SP140: variants seen among roughly 807,000 people sequenced by gnomAD.
The protein encoded by SP140 is SP140 nuclear body protein.
In SP140, 81 loss-of-function variants were observed where a neutral mutation model predicts 125.0. The ratio of observed to expected loss-of-function variants is 0.65; its 90% CI spans 0.54 to 0.78. SP140 has a LOEUF of 0.78. Ranked by LOEUF, SP140 falls within the 30% of genes least tolerant of loss-of-function variation. SP140 has a pLI of 0.00. For synonymous variants in SP140, 312 were observed against 354.0 expected (o/e 0.88, Z 1.33); for missense variants, 858 against 1,037.0 (o/e 0.83, Z 2.37).
chr2:230,292,555 T>C lies in SP140; in HGVS notation c.1826-91T>C, dbSNP rs527994018. ...TCCTGCTATTGATCTGCATCACAAATTGGGTGGCTCTAGATCCAGTGTGGT... is the reference window on the plus strand; with the variant it reads ...TCCTGCTATTGATCTGCATCACAAACTGGGTGGCTCTAGATCCAGTGTGGT... On this transcript the variant is annotated intron_variant, in intron 19 of 26. Transcript: ENST00000392045. The C allele has an allele frequency of 7.6e-5, 115 of 1,521,482 alleles. No homozygotes were observed. In the Admixed American group the frequency reaches 1.1e-3, roughly 15 times the overall value. The allele number at this position is 1,521,482 out of a possible 1,614,324, so 94.2% of individuals were successfully genotyped here. A position where few individuals can be genotyped will look rare whatever the true frequency, so the allele number is the denominator to read the frequency against.
intron 12 of SP140, among the ~76,000 whole-genome samples, chr2:230,262,713 A>T (rs1188967941): frequency 1.3e-5 from 2 of 151,970 alleles, no homozygotes; most frequent in African/African-American, 4.8e-5. Context: ...TTCGTTTTTG[A>T]CCCAATGCTC....
chr2:230,250,267 G>A (rs180795556), intron 9 of SP140, among the ~76,000 whole-genome samples: 8 of 152,232 alleles, frequency 5.3e-5, no homozygotes, highest in East Asian at 1.9e-4. Flanking sequence ...CCCCTTAGAC[G>A]CGGTGATCTT....
At chr2:230,199,456 A>G (rs1346618442), upstream of SP140, among the ~76,000 whole-genome samples, 1 of 151,812 alleles carries the variant, frequency 6.6e-6, no homozygotes, top group Non-Finnish European at 1.5e-5. Context: ...TGATTCACCT[A>G]CCTCAGCTTC....
chr2:230,230,927 GTGTTC>G (rs2047144690), intron 1 of SP140, among the ~76,000 whole-genome samples: 1 of 151,962 alleles, frequency 6.6e-6, no homozygotes, highest in South Asian at 2.1e-4. Context: ...CTTGGATATT[GTGTTC>G]TGTTTTGTTT....
chr2:230,189,090 CTCTCT>C, the SP140 span, among the ~76,000 whole-genome samples: 2 of 38,728 alleles, frequency 5.2e-5, no homozygotes, highest in Non-Finnish European at 1.0e-4. Flanking sequence ...TTTGAAACTT[CTCTCT>C]TTTTTTTTGG....
intron 22 of SP140, among the ~76,000 whole-genome samples, chr2:230,301,884 G>C (rs2058311826): frequency 6.6e-6 from 1 of 152,222 alleles, no homozygotes; most frequent in East Asian, 1.9e-4. Flanking sequence ...GTCTTCAAGA[G>C]ACTCACCTAA....
At chr2:230,292,996 A>C (rs945520352) in intron 20 of SP140, among the ~76,000 whole-genome samples, 5 of 152,202 alleles carry the variant, frequency 3.3e-5, no homozygotes, top group African/African-American at 1.2e-4. Context: ...GTCAGGATAG[A>C]CTCAGCAGCT....
At chr2:230,224,662 T>A (rs1445082504), upstream of SP140, among the ~76,000 whole-genome samples, 2 of 152,346 alleles carry the variant, frequency 1.3e-5, no homozygotes, top group East Asian at 3.9e-4. Context: ...TCTTGCACTC[T>A]GTATTTTGCA....
At chr2:230,280,156 ATTTGCCAAT>A (rs2055330443) in intron 15 of SP140, among the ~76,000 whole-genome samples, 1 of 152,096 alleles carries the variant, frequency 6.6e-6, no homozygotes, top group African/African-American at 2.4e-5. Flanking sequence ...ATGGTTGTAT[ATTTGCCAAT>A]TCCTCTTTAT....
rs563373089 is a variant in SP140 at position 230,261,855 on chromosome 2, A to G, written c.1240+6323A>G. 1.0e-3 allele frequency among the ~76,000 whole-genome samples: 158 copies of G among 152,220 alleles called. 1 individual carries two copies. Among genetic ancestry groups the G allele is most frequent in the African/African-American group, 3.7e-3 (153 of 41,554 alleles). The stretch of plus-strand genomic sequence containing the variant: ...TGATATGTTGTTGGATTCAGTTGGC[A>G]AGTATTTTGTTAAGGATTTTAGCAT... On this transcript the variant is annotated intron_variant, in intron 12 of 26. Coordinates refer to ENST00000392045, the MANE Select transcript of SP140 (RefSeq NM_007237.5).
At chr2:230,240,050 C>T (rs1306621977) in intron 3 of SP140, among the ~76,000 whole-genome samples, 1 of 152,030 alleles carries the variant, frequency 6.6e-6, no homozygotes, top group Non-Finnish European at 1.5e-5. Context: ...CCCACTGCCT[C>T]AGACTATGAG....
chr2:230,225,241 A>G (rs2046184897), upstream of SP140, among the ~76,000 whole-genome samples: 1 of 152,200 alleles, frequency 6.6e-6, no homozygotes, highest in Non-Finnish European at 1.5e-5. Flanking sequence ...GCCCAACCTC[A>G]GCACTTGCCT....
At chr2:230,247,725 A>G (rs1209325924) in intron 7 of SP140, among the ~76,000 whole-genome samples, 191 bp from the exon 8 acceptor site, 1 of 152,118 alleles carries the variant, frequency 6.6e-6, no homozygotes, top group African/African-American at 2.4e-5. Context: ...CAATTACTTC[A>G]AGGTTTATAT....
chr2:230,288,938 G>T (rs986446300), intron 18 of SP140, among the ~76,000 whole-genome samples: 1 of 152,146 alleles, frequency 6.6e-6, no homozygotes, highest in African/African-American at 2.4e-5. Context: ...ACACGTGTGT[G>T]TGTCTTTATA....
intron 22 of SP140, among the ~76,000 whole-genome samples, chr2:230,306,076 G>T (rs559051465): frequency 4.2e-4 from 64 of 152,328 alleles, no homozygotes; most frequent in Admixed American, 1.4e-3. Context: ...AACCCAGGCT[G>T]CAAGGAGGCA....
chr2:230,306,812 G>A (rs1026311600), intron 22 of SP140, among the ~76,000 whole-genome samples: 5 of 152,228 alleles, frequency 3.3e-5, no homozygotes, highest in Admixed American at 6.5e-5. Context: ...CTTTGGGCAA[G>A]GGGCCTGGGC....
chr2:230,265,654 T>C (rs1393058971), intron 12 of SP140, among the ~76,000 whole-genome samples: 1 of 152,116 alleles, frequency 6.6e-6, no homozygotes, highest in East Asian at 1.9e-4. Context: ...CCCTCATCTC[T>C]TCAGATTGAC....
At chr2:230,266,311 C>T (rs1027799735) in intron 12 of SP140, among the ~76,000 whole-genome samples, 19 of 151,902 alleles carry the variant, frequency 1.3e-4, no homozygotes, top group African/African-American at 4.6e-4. Flanking sequence ...GTTTTATGTC[C>T]ATTTTTGCCC....
At chr2:230,209,218 C>G (rs1445151442) in intron 1 of SP140, among the ~76,000 whole-genome samples, 4 of 152,054 alleles carry the variant, frequency 2.6e-5, no homozygotes, top group African/African-American at 9.7e-5. Context: ...ACGATAGGGT[C>G]TATAGCTTGC....
Sources: gnomAD v4.1 joint callset for allele counts (sites outside exome capture counted in the v4.1 genomes callset) on GRCh38, gnomAD v4.1.1 for gene constraint, MANE v1.5 for transcripts, NCBI Gene and HGNC (gene_info 2026-07-23, HGNC 2026-07-21) for gene names.